UNC79: variants seen among roughly 807,000 people sequenced by gnomAD.
UNC79 encodes the protein protein unc-79 homolog.
A neutral mutation model predicts 283.1 loss-of-function variants in UNC79; 37 were observed. The ratio of observed to expected loss-of-function variants is 0.13; its 90% CI spans 0.10 to 0.17. The LOEUF is 0.17. UNC79 is among the 10% of genes least tolerant of loss of function. The pLI is 1.00. For synonymous variants in UNC79, 1,107 were observed against 1,200.2 expected, an observed-to-expected ratio of 0.92 and a Z score of 1.61; for missense variants, 2,272 against 3,211.1, an observed-to-expected ratio of 0.71 and a Z score of 7.07.
chr14:93,671,156 A>T (rs1041938339), intron 40 of UNC79, among the ~76,000 whole-genome samples: 8 of 152,192 alleles, frequency 5.3e-5, no homozygotes, highest in African/African-American at 1.9e-4. Context: ...AATTTCAAAG[A>T]TATATTGCAG....
intron 6 of UNC79, among the ~76,000 whole-genome samples, chr14:93,496,905 T>C (rs184461010): frequency 9.4e-4 from 143 of 152,308 alleles, no homozygotes; most frequent in African/African-American, 3.1e-3. Flanking sequence ...AGAGATCAAT[T>C]TGTTAGAAGA....
chr14:93,421,788 A>G (rs1332407411), intron 1 of UNC79, among the ~76,000 whole-genome samples: 1 of 151,226 alleles, frequency 6.6e-6, no homozygotes, highest in Admixed American at 6.6e-5. Context: ...AAAAAAAAAA[A>G]AGAAAACAAG....
chr14:93,689,828 T>G, intron 44 of UNC79: 2 of 345,976 alleles, frequency 5.8e-6, no homozygotes, highest in East Asian at 5.3e-5. Context: ...GTGGAAAGGG[T>G]TTAGAAAGAG....
At chr14:93,595,231 G>C (rs560426131) in intron 23 of UNC79, among the ~76,000 whole-genome samples, 4 of 151,596 alleles carry the variant, frequency 2.6e-5, no homozygotes, top group African/African-American at 9.7e-5. Context: ...CTGGGACTAC[G>C]GGCACCTGCC....
In UNC79 at chr14:93,690,549, G is replaced by A; in HGVS notation, c.7272+246G>A. ...AGATAAATCATGGAGTCAAGCAAGA[G>A]TTGGCTTCCCAGGCATTTCTGTCTC... is the stretch of plus-strand genomic sequence containing the variant. On this transcript the variant is annotated intron_variant, in intron 45 of 48. Coordinates refer to ENST00000555664, the Ensembl canonical transcript of UNC79. The surrounding 1 kb of genome is among the most constrained non-coding windows in gnomAD (Gnocchi z 4.3). 1 of 415,700 alleles carries A rather than the reference G, an allele frequency of 2.4e-6. No individual in the cohort carries two copies. The highest frequency in any genetic ancestry group is 4.1e-5 in the Admixed American group (1 of 24,432). 25.8% of individuals were successfully genotyped at this position (415,700 alleles called of 1,614,324 possible).
At chr14:93,672,611 A>ATATGGT (rs2072981375) in intron 40 of UNC79, among the ~76,000 whole-genome samples, 1 of 152,202 alleles carries the variant, frequency 6.6e-6, no homozygotes, top group African/African-American at 2.4e-5. Context: ...GAGTAAGGTG[A>ATATGGT]CCATAACTAA....
intron 14 of UNC79, among the ~76,000 whole-genome samples, chr14:93,553,830 T>A (rs898256407): frequency 3.9e-5 from 6 of 152,212 alleles, no homozygotes; most frequent in Admixed American, 2.0e-4. Context: ...CTTTTGGACC[T>A]CAGAGGACCT....
Position 93,580,386 on chromosome 14 carries a change from TGAA to T in UNC79, c.2661+14_2661+16del. On this transcript the variant is annotated intron_variant, in intron 19 of 48. Coordinates refer to ENST00000555664, the Ensembl canonical transcript of UNC79. ...AGAAAGCCGGCTGGTGGTAAGCAGT[TGAA>T]GAAACGAGATGACCCATGTATAATA... 1 of 1,611,810 alleles carries T rather than the reference TGAA, an allele frequency of 6.2e-7. No homozygotes were observed.
At chr14:93,498,520 G>C (rs1264620771) in intron 7 of UNC79, among the ~76,000 whole-genome samples, 1 of 151,934 alleles carries the variant, frequency 6.6e-6, no homozygotes, top group Non-Finnish European at 1.5e-5. Context: ...GAACCTAGGA[G>C]GCAGAGGCTG....
At chr14:93,481,191 T>C (rs1013885275) in intron 4 of UNC79, among the ~76,000 whole-genome samples, 1 of 152,196 alleles carries the variant, frequency 6.6e-6, no homozygotes, top group Admixed American at 6.5e-5. Flanking sequence ...TCCTTTGACA[T>C]AGCTTTTCTT....
chr14:93,579,820 T>C (rs1447809085), intron 18 of UNC79, among the ~76,000 whole-genome samples: 1 of 152,182 alleles, frequency 6.6e-6, no homozygotes, highest in Non-Finnish European at 1.5e-5. Context: ...GGACTCTAGG[T>C]GAGGAGCAGC....
intron 47 of UNC79, among the ~76,000 whole-genome samples, chr14:93,701,512 A>G (rs1328128378): frequency 6.6e-6 from 1 of 152,166 alleles, no homozygotes; most frequent in Non-Finnish European, 1.5e-5. Flanking sequence ...AATGTCCTTC[A>G]GTTTTCAGGA....
chr14:93,657,765 G>A (rs893078675), intron 38 of UNC79, among the ~76,000 whole-genome samples: 2 of 152,142 alleles, frequency 1.3e-5, no homozygotes, highest in African/African-American at 4.8e-5. Context: ...CCTAATTTGT[G>A]ACAATCAACC....
chr14:93,594,495 C>T (rs2141961734), intron 23 of UNC79, among the ~76,000 whole-genome samples: 1 of 152,218 alleles, frequency 6.6e-6, no homozygotes, highest in Non-Finnish European at 1.5e-5. Context: ...GTCTTGAACT[C>T]CTGACCTCAG....
At chr14:93,485,071 T>C (rs747844434) in intron 4 of UNC79, among the ~76,000 whole-genome samples, 1 of 152,142 alleles carries the variant, frequency 6.6e-6, no homozygotes, top group Non-Finnish European at 1.5e-5. Flanking sequence ...TCAGCCTTCC[T>C]TAATAGCAGT....
intron 14 of UNC79, among the ~76,000 whole-genome samples, chr14:93,561,813 A>C (rs1315907851): frequency 6.6e-6 from 1 of 152,172 alleles, no homozygotes; most frequent in Non-Finnish European, 1.5e-5. Flanking sequence ...GATGGCTTGG[A>C]GAAACAGTGT....
intron 38 of UNC79, among the ~76,000 whole-genome samples, chr14:93,658,669 G>A (rs184048370): frequency 2.8e-4 from 43 of 152,230 alleles, no homozygotes; most frequent in Admixed American, 2.0e-3. Context: ...GGTTTTTGTC[G>A]TGTTGCTTCA....
At chr14:93,672,597 A>G (rs2072980305) in intron 40 of UNC79, among the ~76,000 whole-genome samples, 1 of 152,202 alleles carries the variant, frequency 6.6e-6, no homozygotes, top group Non-Finnish European at 1.5e-5. Context: ...AATGTTCAAT[A>G]GCAGAGTAAG....
chr14:93,621,879 G>A lies in UNC79; in HGVS notation c.4646G>A (p.Arg1549Lys), dbSNP rs2139930190. 6.2e-7 allele frequency: 1 copy of A among 1,614,072 alleles called. No homozygotes were observed. The highest frequency in any genetic ancestry group is 1.1e-5 in the South Asian group (1 of 91,062). ...AGACCAAACGACCCTGGACGTTCTA[G>A]ACAGAACTCTGCTACGAGGCCTGAC... is the stretch of plus-strand genomic sequence containing the variant. Residue 1549 changes from arginine to lysine, a missense_variant, in exon 30 of 49, where the codon AGA (arginine) becomes AAA (lysine). By Grantham distance (26) the Arg-to-Lys change is conservative. Transcript: ENST00000555664. This position sits in a 1 kb window ranked among gnomAD's most constrained non-coding sequence, Gnocchi z 4.8.
Sources: gnomAD v4.1 joint callset for allele counts (sites outside exome capture counted in the v4.1 genomes callset) on GRCh38, gnomAD v4.1.1 for gene constraint, Gnocchi (gnomAD v3.1) non-coding constraint, MANE v1.5 for transcripts, NCBI Gene and HGNC (gene_info 2026-07-23, HGNC 2026-07-21) for gene names.